RNF34: variants seen among roughly 807,000 people sequenced by gnomAD.
RNF34 encodes E3 ubiquitin-protein ligase RNF34.
A neutral mutation model predicts 37.9 loss-of-function variants in RNF34; 12 were observed. The observed-to-expected ratio is 0.32, with a 90% CI of 0.20 to 0.51. The LOEUF (loss-of-function observed/expected upper bound fraction) is 0.51, where lower values mean the gene tolerates loss of function less well. Ranked by LOEUF, RNF34 falls within the 20% of genes least tolerant of loss-of-function variation. The pLI, the probability that RNF34 is intolerant of heterozygous loss-of-function variation, is 0.97. For missense variants in RNF34, 362 were observed against 472.7 expected, an observed-to-expected ratio of 0.77 and a Z score of 2.17; for synonymous variants, 155 against 177.2, an observed-to-expected ratio of 0.87 and a Z score of 1.00.
chr12:121,421,839 C>G (rs1051686349), intron 5 of RNF34, among the ~76,000 whole-genome samples: 1 of 152,192 alleles, frequency 6.6e-6, no homozygotes, highest in African/African-American at 2.4e-5. Flanking sequence ...CTAGCTTAAA[C>G]AGCCCTCCCA....
Position 121,417,904 on chromosome 12 carries a change from C to T in RNF34, c.626C>T (p.Pro209Leu), listed in dbSNP as rs1019482622. The part of the protein sequence containing the change: ...DGDQTSRSGV[P>L]AQVQSEITSA... ...GACCAAACATCCAGATCTGGAGTGC[C>T]GGCACAGGTACGAGGGGGTAACTAA... The change falls in exon 3 of 6, where the codon CCG becomes CTG. Residue 209 changes from proline (P) to leucine (L), a missense_variant. By Grantham distance (98) the Pro-to-Leu change is moderately conservative. Coordinates refer to ENST00000361234, the MANE Select transcript of RNF34 (RefSeq NM_025126.4). The surrounding 1 kb of genome is among the most constrained non-coding windows in gnomAD (Gnocchi z 5.0). The T allele has an allele frequency of 1.1e-5, 17 of 1,613,554 alleles. No individual in the cohort carries two copies. The highest frequency in any genetic ancestry group is 1.7e-5 in the Admixed American group (1 of 59,890).
In RNF34 at chr12:121,417,719, A is replaced by G; in HGVS notation, c.441A>G (p.Val147=). ...AGAAAGAAGACTTGGTGGATCTAGT[A>G]CTGTGCCATCATGGACTAGGCTCTG... ...CREKEDLVDL[V]LCHHGLGSED... Residue 147 remains valine (V), a synonymous_variant, in exon 3 of 6, where the codon GTA becomes GTG. Coordinates refer to ENST00000361234, the MANE Select transcript of RNF34 (RefSeq NM_025126.4). This position sits in a 1 kb window ranked among gnomAD's most constrained non-coding sequence, Gnocchi z 5.0. The G allele has an allele frequency of 6.2e-7, 1 of 1,614,180 alleles. No homozygotes were observed. Among genetic ancestry groups the G allele is most frequent in the African/African-American group, 1.3e-5 (1 of 75,056 alleles).
Position 121,420,262 on chromosome 12 carries a change from A to G in RNF34, c.654A>G (p.Ser218=). 1 of 1,606,108 alleles carries G rather than the reference A, an allele frequency of 6.2e-7. No homozygotes were observed. The highest frequency in any genetic ancestry group is 8.5e-7 in the Non-Finnish European group (1 of 1,174,636). ...TGTAGGTACAAAGTGAAATCACTTC[A>G]GCAAACACAGAAGATGATGATGACG... The part of the protein sequence containing the change: ...VPAQVQSEIT[S]ANTEDDDDDD... Residue 218 remains serine (S), a synonymous_variant, in exon 4 of 6, where the codon TCA becomes TCG. Coordinates refer to ENST00000361234, the MANE Select transcript of RNF34 (RefSeq NM_025126.4).
rs546221864 is a variant in RNF34 at position 121,423,640 on chromosome 12, A to G, written c.*64A>G. On this transcript the variant is annotated 3_prime_UTR_variant, in exon 6 of 6. Transcript: ENST00000361234. This position sits in a 1 kb window ranked among gnomAD's most constrained non-coding sequence, Gnocchi z 4.3. ...GACCCCCAACATTTCAATGCACAGA[A>G]GGGACTGGAAAGTTATGTTCAAAGG... The G allele has an allele frequency of 1.4e-6, 2 of 1,381,994 alleles. No individual in the cohort carries two copies. The highest frequency in any genetic ancestry group is 2.0e-6 in the Non-Finnish European group (2 of 994,674). 85.6% of individuals were successfully genotyped at this position (1,381,994 alleles called of 1,614,324 possible). A position where few individuals can be genotyped will look rare whatever the true frequency, so the allele number is the denominator to read the frequency against.
At position 121,417,267 on chromosome 12, in the gene RNF34, C is replaced by A. The variant is rs539342428; in HGVS notation, c.226-237C>A. On this transcript the variant is annotated intron_variant, in intron 2 of 5. Coordinates refer to ENST00000361234, the MANE Select transcript of RNF34 (RefSeq NM_025126.4). This position sits in a 1 kb window ranked among gnomAD's most constrained non-coding sequence, Gnocchi z 5.0. Reference sequence around the variant, plus strand: ...GTGGAAAGGTTTTAATTCATTAACACAAGAGTGTGTTTTTCTTAAAGTCCT... The same window carrying A: ...GTGGAAAGGTTTTAATTCATTAACAAAAGAGTGTGTTTTTCTTAAAGTCCT... Among the ~76,000 whole-genome samples the A allele has an allele frequency of 6.6e-6, 1 of 152,346 alleles. No individual in the cohort carries two copies. Among genetic ancestry groups the A allele is most frequent in the East Asian group, 1.9e-4 (1 of 5,194 alleles).
chr12:121,420,707 G>T lies in RNF34; in HGVS notation c.857G>T (p.Cys286Phe). 5.6e-6 allele frequency: 9 copies of T among 1,614,110 alleles called. No individual in the cohort carries two copies. The highest frequency in any genetic ancestry group is 7.6e-6 in the Non-Finnish European group (9 of 1,179,976). Residue 286 changes from cysteine to phenylalanine, a missense_variant, in exon 5 of 6, where the codon TGT becomes TTT. Physicochemically the swap from Cys to Phe is radical, Grantham distance 205 (BLOSUM62 -2). Transcript: ENST00000361234. Reference sequence around the variant, plus strand: ...CGGAATTTTGTCAACTATTCTGGCTGTTGTGAAAAATGGGAACTGGTAGAG... The same window carrying T: ...CGGAATTTTGTCAACTATTCTGGCTTTTGTGAAAAATGGGAACTGGTAGAG... Reference protein sequence around the residue: ...LARNFVNYSGCCEKWELVEKV... With the variant: ...LARNFVNYSGFCEKWELVEKV...
In RNF34 at chr12:121,417,436, C is replaced by A; in HGVS notation, c.226-68C>A. 1 of 1,376,086 alleles carries A rather than the reference C, an allele frequency of 7.3e-7. No homozygotes were observed. Among genetic ancestry groups the A allele is most frequent in the Non-Finnish European group, 9.9e-7 (1 of 1,007,100 alleles). 85.2% of individuals were successfully genotyped at this position (1,376,086 alleles called of 1,614,324 possible). ...ACTAAAATTAAATTTTAGTAGAAGG[C>A]AGAAAGAAAACTCATGCTTTCATAA... On this transcript the variant is annotated intron_variant, in intron 2 of 5. Transcript: ENST00000361234. The surrounding 1 kb of genome is among the most constrained non-coding windows in gnomAD (Gnocchi z 5.0).
intron 1 of RNF34, among the ~76,000 whole-genome samples, chr12:121,406,452 A>G (rs1192292920): frequency 6.6e-6 from 1 of 151,404 alleles, no homozygotes; most frequent in Admixed American, 6.6e-5. Flanking sequence ...ACGCCTGACT[A>G]ATTTTTTGTA....
intron 1 of RNF34, among the ~76,000 whole-genome samples, chr12:121,400,719 G>T (rs1869902155): frequency 6.6e-6 from 1 of 152,202 alleles, no homozygotes; most frequent in Admixed American, 6.5e-5. Flanking sequence ...GATGCCACCC[G>T]GAAGGGGTGC....
chr12:121,419,213 T>A (rs1871865532), intron 3 of RNF34, among the ~76,000 whole-genome samples: 1 of 152,226 alleles, frequency 6.6e-6, no homozygotes, highest in African/African-American at 2.4e-5. Context: ...ATTACTGTGT[T>A]ATAGCTGCCT....
chr12:121,409,053 C>G (rs1490342653), intron 1 of RNF34, among the ~76,000 whole-genome samples: 3 of 151,880 alleles, frequency 2.0e-5, no homozygotes, highest in Non-Finnish European at 4.4e-5. Context: ...GATATCTGCT[C>G]ACTGCAACCT....
intron 4 of RNF34, 84 bp downstream of exon 4, chr12:121,420,418 G>A (rs1438921502): frequency 3.8e-5 from 59 of 1,550,720 alleles, no homozygotes; most frequent in Non-Finnish European, 4.8e-5. Flanking sequence ...CGCTAGATTA[G>A]TACAGGATGT....
At chr12:121,422,094 A>G (rs1872219281) in intron 5 of RNF34, among the ~76,000 whole-genome samples, 1 of 152,218 alleles carries the variant, frequency 6.6e-6, no homozygotes, top group African/African-American at 2.4e-5. Flanking sequence ...AAATGTAAAT[A>G]GCAACTATGT....
At chr12:121,418,446 T>C (rs1555282663) in intron 3 of RNF34, 1 of 153,310 alleles carries the variant, frequency 6.5e-6, no homozygotes, top group East Asian at 1.9e-4. Flanking sequence ...TTGAATAACA[T>C]GTAAAGGCTT....
Position 121,417,828 on chromosome 12 carries a change from A to G in RNF34, c.550A>G (p.Thr184Ala). 1 of 1,614,176 alleles carries G rather than the reference A, an allele frequency of 6.2e-7. No homozygotes were observed. The highest frequency in any genetic ancestry group is 8.5e-7 in the Non-Finnish European group (1 of 1,180,040). ...TACACGTTCGTTTTTTTCAAACTAT[A>G]CAGCCCCCTCTGCTACTATGTCTTC... Reference protein sequence around the residue: ...FFTRSFFSNYTAPSATMSSFQ... With the variant: ...FFTRSFFSNYAAPSATMSSFQ... Residue 184 changes from threonine to alanine, a missense_variant, in exon 3 of 6, where the codon ACA becomes GCA. Thr to Ala is a moderately conservative substitution (Grantham distance 58). Transcript: ENST00000361234. This position sits in a 1 kb window ranked among gnomAD's most constrained non-coding sequence, Gnocchi z 5.0.
chr12:121,417,992 G>A lies in RNF34; in HGVS notation c.633+81G>A. The A allele has an allele frequency of 7.1e-7, 1 of 1,407,266 alleles. No homozygotes were observed. The highest frequency in any genetic ancestry group is 9.7e-7 in the Non-Finnish European group (1 of 1,029,708). 87.2% of individuals were successfully genotyped at this position (1,407,266 alleles called of 1,614,324 possible). A position where few individuals can be genotyped will look rare whatever the true frequency, so the allele number is the denominator to read the frequency against. ...TATGGTGGGGCCTTTAGTGCTTGAT[G>A]ACTTCTGATAAACTTCAAGTCATGT... On this transcript the variant is annotated intron_variant, in intron 3 of 5. Transcript: ENST00000361234. This position sits in a 1 kb window ranked among gnomAD's most constrained non-coding sequence, Gnocchi z 5.0.
rs782158662 is a variant in RNF34, at chr12:121,416,631, TTA to T, written c.225+256_225+257del. 1.8e-4 allele frequency: 61 copies of T among 332,480 alleles called. 1 individual carries two copies. The highest frequency in any genetic ancestry group is 1.1e-3 in the African/African-American group (53 of 46,712). 20.6% of individuals were successfully genotyped at this position (332,480 alleles called of 1,614,324 possible). A position where few individuals can be genotyped will look rare whatever the true frequency, so the allele number is the denominator to read the frequency against. On this transcript the variant is annotated intron_variant, in intron 2 of 5. Coordinates refer to ENST00000361234, the MANE Select transcript of RNF34 (RefSeq NM_025126.4). Reference sequence around the variant, plus strand: ...CCTGTTTGTATCATTTTATTTTCTATTATGTTTATTTCCAAAAGCAAGAAATT... The same window carrying T: ...CCTGTTTGTATCATTTTATTTTCTATTGTTTATTTCCAAAAGCAAGAAATT...
intron 5 of RNF34, among the ~76,000 whole-genome samples, chr12:121,422,992 C>T (rs1465639845): frequency 6.6e-6 from 1 of 152,162 alleles, no homozygotes; most frequent in Non-Finnish European, 1.5e-5. Context: ...AAAGCTGGGG[C>T]AACTGAGTTA....
intron 3 of RNF34, 70 bp from the exon 4 acceptor site, chr12:121,420,172 T>C: frequency 1.4e-6 from 2 of 1,408,934 alleles, no homozygotes; most frequent in Non-Finnish European, 2.0e-6. Flanking sequence ...GGAGCATCAA[T>C]GACAAGGTTT....
Sources: gnomAD v4.1 joint callset for allele counts (sites outside exome capture counted in the v4.1 genomes callset) on GRCh38, gnomAD v4.1.1 for gene constraint, Gnocchi (gnomAD v3.1) non-coding constraint, MANE v1.5 for transcripts, NCBI Gene and HGNC (gene_info 2026-07-23, HGNC 2026-07-21) for gene names.